Variants in LRFN2 observed in about 807,000 individuals in gnomAD.
The protein encoded by LRFN2 is leucine rich repeat and fibronectin type III domain containing 2.
Under a neutral mutation model 37.3 loss-of-function variants are expected in LRFN2, and 18 were observed. That is an observed-to-expected ratio of 0.48 (90% CI 0.33 to 0.72). The LOEUF (loss-of-function observed/expected upper bound fraction) is 0.72, where lower values mean the gene tolerates loss of function less well. Among genes scored for constraint, LRFN2 ranks in the 30% least tolerant of loss-of-function variants. The probability of loss-of-function intolerance (pLI) is 0.02; values close to 1 mark genes in which losing one functional copy is unlikely to be tolerated. For missense variants in LRFN2, 1,006 were observed against 1,060.7 expected (o/e 0.95, Z 0.72); for synonymous variants, 556 against 466.6 (o/e 1.19, Z -2.47).
intron 1 of LRFN2, among the ~76,000 whole-genome samples, chr6:40,481,313 T>C (rs1319506276): frequency 6.6e-6 from 1 of 151,830 alleles, no homozygotes; most frequent in African/African-American, 2.4e-5. Flanking sequence ...CACATGCCTG[T>C]AATCTCAGCT....
At chr6:40,530,754 C>A (rs549930315) in intron 1 of LRFN2, among the ~76,000 whole-genome samples, 2 of 152,126 alleles carry the variant, frequency 1.3e-5, no homozygotes, top group Non-Finnish European at 2.9e-5. Context: ...TTCTACCAGG[C>A]CTGGTCCAAG....
rs1196269482 is a variant in LRFN2 at position 40,392,203 on chromosome 6, C to T, written c.2110G>A (p.Ala704Thr). The T allele has an allele frequency of 1.3e-6, 2 of 1,571,528 alleles. No individual in the cohort carries two copies. The highest frequency in any genetic ancestry group is 1.7e-6 in the Non-Finnish European group (2 of 1,159,378). ...AAGGGGAGCAGGCTCCTGGCCCGGG[C>T]CGCAGGGGGCCCCAGCAGTGGCTCT... The part of the protein sequence containing the change: ...DREPLLGPPA[A>T]RARSLLPLPL... The change falls in exon 3 of 3, where the codon GCC becomes ACC. Residue 704 changes from alanine (A) to threonine (T), a missense_variant. Ala to Thr is a moderately conservative substitution (Grantham distance 58). Transcript: ENST00000338305. The surrounding 1 kb of genome is among the most constrained non-coding windows in gnomAD (Gnocchi z 4.7).
chr6:40,453,663 A>G (rs1053943379), intron 1 of LRFN2, among the ~76,000 whole-genome samples: 1 of 152,134 alleles, frequency 6.6e-6, no homozygotes, highest in Non-Finnish European at 1.5e-5. Context: ...CTCCAAAGAC[A>G]TTAGCCTAGA....
intron 2 of LRFN2, among the ~76,000 whole-genome samples, chr6:40,427,307 C>T (rs1461895776): frequency 6.6e-6 from 1 of 152,248 alleles, no homozygotes; most frequent in Admixed American, 6.5e-5. Context: ...TACAAGTTCA[C>T]TCCATCAGTT....
intron 1 of LRFN2, among the ~76,000 whole-genome samples, chr6:40,523,505 ATTTTTTTTT>A (rs751179915): frequency 0.05 from 6,467 of 129,318 alleles, 455 homozygotes; most frequent in African/African-American, 0.097. Flanking sequence ...TCTTTAGGTG[ATTTTTTTTT>A]TTTTTTTTTT....
At chr6:40,582,798 T>C (rs1767427559) in intron 1 of LRFN2, among the ~76,000 whole-genome samples, 1 of 152,052 alleles carries the variant, frequency 6.6e-6, no homozygotes, top group Admixed American at 6.5e-5. Flanking sequence ...GACTCAATAG[T>C]TGAACAAGCT....
At chr6:40,477,145 G>A (rs553774369) in intron 1 of LRFN2, among the ~76,000 whole-genome samples, 3 of 152,332 alleles carry the variant, frequency 2.0e-5, no homozygotes, top group South Asian at 4.1e-4. Flanking sequence ...GGATTTCTGG[G>A]AATGGGACCC....
intron 1 of LRFN2, among the ~76,000 whole-genome samples, chr6:40,507,042 T>G (rs1765562245): frequency 1.3e-5 from 2 of 152,224 alleles, no homozygotes; most frequent in Non-Finnish European, 2.9e-5. Flanking sequence ...ATGGCAATGA[T>G]GTCAGGTAAT....
At chr6:40,571,051 G>A (rs1483279008) in intron 1 of LRFN2, among the ~76,000 whole-genome samples, 4 of 152,202 alleles carry the variant, frequency 2.6e-5, no homozygotes, top group African/African-American at 7.2e-5. Flanking sequence ...AAGAGGCCCC[G>A]GAAGCAGAGC....
At chr6:40,496,405 C>A (rs1044666598) in intron 1 of LRFN2, among the ~76,000 whole-genome samples, 2 of 152,334 alleles carry the variant, frequency 1.3e-5, no homozygotes, top group Non-Finnish European at 2.9e-5. Context: ...GTAAAAGACA[C>A]AGCCCCCACT....
At chr6:40,539,844 G>T (rs1203001704) in intron 1 of LRFN2, among the ~76,000 whole-genome samples, 1 of 152,200 alleles carries the variant, frequency 6.6e-6, no homozygotes, top group Non-Finnish European at 1.5e-5. Context: ...CCTACTCACT[G>T]TGGGGCCTTG....
At chr6:40,504,701 C>T (rs989616826) in intron 1 of LRFN2, among the ~76,000 whole-genome samples, 1 of 152,184 alleles carries the variant, frequency 6.6e-6, no homozygotes, top group African/African-American at 2.4e-5. Context: ...CCTGCTCTCA[C>T]CAAGACCAAG....
chr6:40,431,651 C>T (rs1763485781), intron 2 of LRFN2, 63 bp downstream of exon 2: 2 of 1,425,892 alleles, frequency 1.4e-6, no homozygotes, highest in South Asian at 1.5e-5. Flanking sequence ...CCAAGACCTC[C>T]CCATCCCCTC....
At chr6:40,507,798 C>G (rs1227838205) in intron 1 of LRFN2, among the ~76,000 whole-genome samples, 1 of 152,188 alleles carries the variant, frequency 6.6e-6, no homozygotes, top group African/African-American at 2.4e-5. Context: ...AATACACAGG[C>G]CCTGAAATGT....
chr6:40,450,348 G>A (rs1369924918), intron 1 of LRFN2, among the ~76,000 whole-genome samples: 1 of 152,242 alleles, frequency 6.6e-6, no homozygotes, highest in African/African-American at 2.4e-5. Context: ...GCCCATCAGA[G>A]TCACATGTTG....
At chr6:40,443,896 G>A (rs893133564) in intron 1 of LRFN2, among the ~76,000 whole-genome samples, 2 of 152,186 alleles carry the variant, frequency 1.3e-5, no homozygotes, top group Non-Finnish European at 2.9e-5. Context: ...TCAGGGCATA[G>A]CCATGGGAGA....
rs569168785 is a variant in LRFN2, at chr6:40,585,936, G to T, written c.-19+1005C>A. Among the ~76,000 whole-genome samples the T allele has an allele frequency of 8.5e-5, 13 of 152,178 alleles. No homozygotes were observed. The South Asian group carries it at 1.2e-3, about 15-fold the overall frequency. ...AGCCATGCCTGTAACTCCAACTCAA[G>T]AGTGCAGGCTCTGACATGTTCCCTG... On this transcript the variant is annotated intron_variant, in intron 1 of 2. Coordinates refer to ENST00000338305, the MANE Select transcript of LRFN2 (RefSeq NM_020737.3).
chr6:40,569,690 CAGA>C (rs971529141), intron 1 of LRFN2, among the ~76,000 whole-genome samples: 4 of 152,176 alleles, frequency 2.6e-5, no homozygotes, highest in Non-Finnish European at 5.9e-5. Context: ...CTCACTGTGG[CAGA>C]AGATTTTCTG....
intron 1 of LRFN2, among the ~76,000 whole-genome samples, chr6:40,462,684 C>T (rs549554887): frequency 1.3e-5 from 2 of 152,146 alleles, no homozygotes; most frequent in Non-Finnish European, 1.5e-5. Flanking sequence ...CATTTTTTGT[C>T]TATCATCTTG....
Sources: gnomAD v4.1 joint callset for allele counts (sites outside exome capture counted in the v4.1 genomes callset) on GRCh38, gnomAD v4.1.1 for gene constraint, Gnocchi (gnomAD v3.1) non-coding constraint, MANE v1.5 for transcripts, NCBI Gene and HGNC (gene_info 2026-07-23, HGNC 2026-07-21) for gene names.